The following TRANK1 variants were observed in gnomAD, a reference collection of about 807,000 sequenced individuals.
TRANK1 encodes the protein tetratricopeptide repeat and ankyrin repeat containing 1, also known as TPR and ankyrin repeat-containing protein 1.
TRANK1 carries 198 observed loss-of-function variants against 266.0 expected under a neutral mutation model. The ratio of observed to expected loss-of-function variants is 0.74; its 90% CI spans 0.66 to 0.84. The LOEUF (loss-of-function observed/expected upper bound fraction) is 0.84. Ranked by LOEUF, TRANK1 falls within the 40% of genes least tolerant of loss-of-function variation. TRANK1 has a pLI of 0.00. For synonymous variants in TRANK1, 1,396 were observed against 1,384.1 expected, an observed-to-expected ratio of 1.01 and a Z score of -0.19; for missense variants, 3,326 against 3,634.6, an observed-to-expected ratio of 0.92 and a Z score of 2.18.
chr3:36,936,470 A>C (rs2080426985), intron 1 of TRANK1, among the ~76,000 whole-genome samples: 1 of 151,712 alleles, frequency 6.6e-6, no homozygotes, highest in Admixed American at 6.6e-5. Context: ...TGGGTGACAG[A>C]GTGAGATCCT....
chr3:36,883,123 G>A (rs1172139288), intron 8 of TRANK1, among the ~76,000 whole-genome samples: 1 of 152,070 alleles, frequency 6.6e-6, no homozygotes, highest in Non-Finnish European at 1.5e-5. Flanking sequence ...TTAATATGGA[G>A]TGATTTCCAG....
intron 9 of TRANK1, among the ~76,000 whole-genome samples, chr3:36,873,632 C>T (rs1010953418): frequency 1.3e-5 from 2 of 152,082 alleles, no homozygotes; most frequent in African/African-American, 2.4e-5. Context: ...AAATGATACA[C>T]GTAGCATTAC....
chr3:36,939,017 A>C (rs1378765645), intron 1 of TRANK1, among the ~76,000 whole-genome samples: 1 of 151,792 alleles, frequency 6.6e-6, no homozygotes, highest in Non-Finnish European at 1.5e-5. Flanking sequence ...CATGCTGGTA[A>C]TTGCAGCTTC....
chr3:36,942,874 TA>T (rs5847945), intron 1 of TRANK1, among the ~76,000 whole-genome samples: 10,516 of 140,228 alleles, frequency 0.075, 468 homozygotes, highest in Middle Eastern at 0.18. Flanking sequence ...TGACCCGCTT[TA>T]AAAAAAAAAA....
chr3:36,931,589 C>T (rs536581450), intron 1 of TRANK1, among the ~76,000 whole-genome samples: 1 of 152,190 alleles, frequency 6.6e-6, no homozygotes, highest in East Asian at 1.9e-4. Context: ...CCTATAGTCC[C>T]AACTACTCAA....
intron 9 of TRANK1, among the ~76,000 whole-genome samples, chr3:36,866,636 G>C (rs2079231722): frequency 6.6e-6 from 1 of 152,224 alleles, no homozygotes; most frequent in Admixed American, 6.5e-5. Context: ...GCATCTATCA[G>C]TCACTAGCTG....
intron 2 of TRANK1, among the ~76,000 whole-genome samples, 191 bp from the exon 3 acceptor site, chr3:36,903,466 T>C (rs1293467577): frequency 1.3e-5 from 2 of 152,264 alleles, no homozygotes; most frequent in African/African-American, 2.4e-5. Context: ...AAATCTGTCC[T>C]TCCTCACTCC....
At chr3:36,854,661 T>C (rs1045727174) in intron 13 of TRANK1, among the ~76,000 whole-genome samples, 1 of 152,194 alleles carries the variant, frequency 6.6e-6, no homozygotes, top group South Asian at 2.1e-4. Flanking sequence ...TTAAGCACTA[T>C]ACGTAAACTG....
intron 9 of TRANK1, among the ~76,000 whole-genome samples, chr3:36,873,516 C>T (rs1039656518): frequency 2.6e-5 from 4 of 152,184 alleles, no homozygotes; most frequent in Non-Finnish European, 4.4e-5. Flanking sequence ...GAAAGAGTAA[C>T]ATTTACATAA....
chr3:36,827,122 G>C lies in TRANK1; in HGVS notation c.*1153C>G, dbSNP rs959140082. ...TCCATACCAGGCTGAGCTGAGGGGT[G>C]GGGTAAGGGTGGGCAGTAACCATCA... On this transcript the variant is annotated 3_prime_UTR_variant, in exon 24 of 24. Transcript: ENST00000645898. 1 of 152,276 alleles carries C rather than the reference G, an allele frequency of 6.6e-6. No individual in the cohort carries two copies. The highest frequency in any genetic ancestry group is 2.4e-5 in the African/African-American group (1 of 41,448). The allele number at this position is 152,276 out of a possible 1,614,324, so 9.4% of individuals were successfully genotyped here.
At chr3:36,898,964 T>A (rs1443728287) in intron 4 of TRANK1, 145 bp downstream of exon 4, 19 of 838,988 alleles carry the variant, frequency 2.3e-5, no homozygotes, top group Non-Finnish European at 3.3e-5. Flanking sequence ...AAATGCTTTC[T>A]AATGTGTGAA....
At chr3:36,829,176 A>G (rs1212751800) in intron 23 of TRANK1, among the ~76,000 whole-genome samples, 1 of 152,240 alleles carries the variant, frequency 6.6e-6, no homozygotes, top group Admixed American at 6.5e-5. Context: ...AATATGTACT[A>G]GAACCTCAAT....
intron 1 of TRANK1, among the ~76,000 whole-genome samples, chr3:36,924,537 A>G (rs2080261091): frequency 3.3e-5 from 5 of 152,234 alleles, no homozygotes; most frequent in Admixed American, 3.3e-4. Flanking sequence ...CTTGTGTAAC[A>G]CAGCATAACC....
rs1332730053 is a variant in TRANK1, at chr3:36,877,305, C to A, written c.908-3009G>T. On this transcript the variant is annotated intron_variant, in intron 8 of 23. Transcript: ENST00000645898. ...ATGTAAGATATTAGTAACACTCATTCCTTGCTGCCTAATGGACAGAGTAGA... is the reference window on the plus strand; with the variant it reads ...ATGTAAGATATTAGTAACACTCATTACTTGCTGCCTAATGGACAGAGTAGA... Among the ~76,000 whole-genome samples, 3 of 152,126 alleles carry A rather than the reference C, an allele frequency of 2.0e-5. No individual in the cohort carries two copies. In the East Asian group the frequency reaches 5.8e-4, roughly 29 times the overall value.
intron 1 of TRANK1, 66 bp downstream of exon 1, chr3:36,944,721 C>T (rs1163779641): frequency 1.3e-6 from 2 of 1,493,666 alleles, no homozygotes; most frequent in Non-Finnish European, 1.8e-6. Flanking sequence ...CGGCCGCCTC[C>T]CGCCAGGAAG....
Position 36,861,032 on chromosome 3 carries a change from G to C in TRANK1, c.1369C>G (p.Pro457Ala), listed in dbSNP as rs1239833666. 3 of 1,537,858 alleles carry C rather than the reference G, an allele frequency of 2.0e-6. No homozygotes were observed. Among genetic ancestry groups the C allele is most frequent in the Non-Finnish European group, 2.6e-6 (3 of 1,147,050 alleles). ...LLTRKVSGEPPLGDCLIKDCN... is the reference protein window; with the variant it reads ...LLTRKVSGEPALGDCLIKDCN... Reference sequence around the variant, plus strand: ...TCTTTGATGAGGCAATCCCCAAGCGGTGGTTCTCCACTTACTTTGCGGGTC... The same window carrying C: ...TCTTTGATGAGGCAATCCCCAAGCGCTGGTTCTCCACTTACTTTGCGGGTC... The change falls in exon 11 of 24, where the codon CCG becomes GCG. Residue 457 changes from proline (P) to alanine (A), a missense_variant. Pro to Ala is a conservative substitution (Grantham distance 27). Coordinates refer to ENST00000645898, the MANE Select transcript of TRANK1 (RefSeq NM_001329998.2).
chr3:36,921,096 C>T (rs1052220953), intron 1 of TRANK1, among the ~76,000 whole-genome samples: 5 of 152,188 alleles, frequency 3.3e-5, no homozygotes, highest in African/African-American at 4.8e-5. Context: ...GAGTCACCCC[C>T]GGTCCCCTGT....
upstream of TRANK1, chr3:36,945,117 G>A: frequency 2.6e-6 from 1 of 379,024 alleles, no homozygotes. Context: ...TGAGTGGGAG[G>A]AGGTGTTTGT....
chr3:36,879,910 G>A (rs190069991), intron 8 of TRANK1, among the ~76,000 whole-genome samples: 8,246 of 16,224 alleles, frequency 0.51, 2,696 homozygotes, highest in African/African-American at 0.62. Context: ...ATGTAAACAT[G>A]CAAATATATG....
Sources: gnomAD v4.1 joint callset for allele counts (sites outside exome capture counted in the v4.1 genomes callset) on GRCh38, gnomAD v4.1.1 for gene constraint, MANE v1.5 for transcripts, NCBI Gene and HGNC (gene_info 2026-07-23, HGNC 2026-07-21) for gene names.